The following MRTFA variants were observed in gnomAD, a reference collection of about 807,000 sequenced individuals.
MRTFA encodes the protein myocardin related transcription factor A.
In MRTFA, 20 loss-of-function variants were observed where a neutral mutation model predicts 83.5. That is an observed-to-expected ratio of 0.24 (90% CI 0.17 to 0.35). MRTFA has a LOEUF of 0.35. MRTFA is among the 10% of genes least tolerant of loss of function. The pLI, the probability that MRTFA is intolerant of heterozygous loss-of-function variation, is 1.00. For missense variants in MRTFA, 1,200 were observed against 1,224.7 expected (o/e 0.98, Z 0.30); for synonymous variants, 659 against 541.2 (o/e 1.22, Z -3.02).
At chr22:40,520,027 C>T (rs1408450800) in intron 3 of MRTFA, among the ~76,000 whole-genome samples, 1 of 152,170 alleles carries the variant, frequency 6.6e-6, no homozygotes, top group African/African-American at 2.4e-5. Flanking sequence ...ATTGCATATG[C>T]CTGTATAACC....
intron 3 of MRTFA, among the ~76,000 whole-genome samples, chr22:40,520,285 T>C (rs1231996086): frequency 6.6e-6 from 1 of 152,194 alleles, no homozygotes; most frequent in Non-Finnish European, 1.5e-5. Flanking sequence ...GCCCCAAAAA[T>C]AAACCCTGTA....
At position 40,410,631 on chromosome 22, in the gene MRTFA, T is replaced by TACATGTCAATCACACGTGATGG. The variant is rs1404083062; in HGVS notation, c.*737_*758dup. ...GGGGCATAGGCCGTGGCAGGGTACCTACATGTCAATCACACGTGATGGGTG... is the reference window on the plus strand; with the variant it reads ...GGGGCATAGGCCGTGGCAGGGTACCTACATGTCAATCACACGTGATGGACATGTCAATCACACGTGATGGGTG... On this transcript the variant is annotated 3_prime_UTR_variant, in exon 15 of 15. Transcript: ENST00000355630. 4 of 233,274 alleles carry TACATGTCAATCACACGTGATGG rather than the reference T, an allele frequency of 1.7e-5. No individual in the cohort carries two copies. Among genetic ancestry groups the TACATGTCAATCACACGTGATGG allele is most frequent in the Non-Finnish European group, 2.5e-5 (3 of 117,876 alleles). The allele number at this position is 233,274 out of a possible 1,614,324, so 14.5% of individuals were successfully genotyped here. A position where few individuals can be genotyped will look rare whatever the true frequency, so the allele number is the denominator to read the frequency against.
chr22:40,463,861 G>C (rs1439136938), intron 3 of MRTFA, among the ~76,000 whole-genome samples: 3 of 152,006 alleles, frequency 2.0e-5, no homozygotes, highest in Non-Finnish European at 4.4e-5. Flanking sequence ...TCTTCACTTA[G>C]AGCCTTTTCT....
intron 1 of MRTFA, among the ~76,000 whole-genome samples, chr22:40,616,387 T>A (rs1296781331): frequency 1.3e-5 from 2 of 152,200 alleles, no homozygotes; most frequent in African/African-American, 4.8e-5. Context: ...ATTTTAAAAC[T>A]CTGGCTTCAG....
chr22:40,548,098 C>T (rs926561331), intron 3 of MRTFA, among the ~76,000 whole-genome samples: 2 of 152,004 alleles, frequency 1.3e-5, no homozygotes, highest in Non-Finnish European at 2.9e-5. Flanking sequence ...TGCCTGTAAT[C>T]TCAGCACTGT....
intron 3 of MRTFA, among the ~76,000 whole-genome samples, chr22:40,486,656 C>A (rs559627357): frequency 1.3e-3 from 201 of 152,272 alleles, no homozygotes; most frequent in Non-Finnish European, 2.2e-3. Flanking sequence ...AACCTTACAA[C>A]GGTTGGCTCA....
chr22:40,432,371 T>A (rs8139974), intron 5 of MRTFA, among the ~76,000 whole-genome samples: 74,469 of 152,046 alleles, frequency 0.49, 19,142 homozygotes, highest in South Asian at 0.58. Flanking sequence ...TTTTGACACA[T>A]GGTAGCAAAG....
chr22:40,588,856 C>A (rs1384751966), intron 2 of MRTFA, among the ~76,000 whole-genome samples: 1 of 152,104 alleles, frequency 6.6e-6, no homozygotes, highest in Non-Finnish European at 1.5e-5. Flanking sequence ...GTGGCACATG[C>A]CTGCAATCCT....
chr22:40,462,330 TTGAA>T lies in MRTFA; in HGVS notation c.307+887_307+890del, dbSNP rs576201937. ...ATCACATATTAGGTACTCAAAGATT[TTGAA>T]TGAATGAATGAATGAATGAATGAGA... On this transcript the variant is annotated intron_variant, in intron 4 of 14. Transcript: ENST00000355630. Among the ~76,000 whole-genome samples, 171 of 152,198 alleles carry T rather than the reference TTGAA, an allele frequency of 1.1e-3. 1 individual carries two copies. The highest frequency in any genetic ancestry group is 2.0e-3 in the African/African-American group (81 of 41,524).
At chr22:40,613,310 T>G (rs1569352648) in intron 1 of MRTFA, among the ~76,000 whole-genome samples, 5 of 152,206 alleles carry the variant, frequency 3.3e-5, no homozygotes, top group Admixed American at 3.3e-4. Context: ...ATTCACATGG[T>G]TTTTTGTTGA....
At chr22:40,631,502 C>T (rs2056641420) in intron 1 of MRTFA, among the ~76,000 whole-genome samples, 2 of 152,166 alleles carry the variant, frequency 1.3e-5, no homozygotes, top group South Asian at 4.1e-4. Flanking sequence ...CAAGTTCATA[C>T]ACACGGCCGG....
chr22:40,480,128 T>A (rs1318427647), intron 3 of MRTFA, among the ~76,000 whole-genome samples: 1 of 152,160 alleles, frequency 6.6e-6, no homozygotes, highest in East Asian at 1.9e-4. Context: ...ATGAGGAAAT[T>A]GAGGTTTAGA....
chr22:40,567,751 A>G (rs2147339440), intron 2 of MRTFA, among the ~76,000 whole-genome samples: 1 of 152,340 alleles, frequency 6.6e-6, no homozygotes, highest in Non-Finnish European at 1.5e-5. Context: ...CACCTAGCAT[A>G]AAGACAGGCA....
In MRTFA at chr22:40,442,450, C is replaced by A. The variant is rs559912915; in HGVS notation, c.308-6896G>T. On this transcript the variant is annotated intron_variant, in intron 4 of 14. Coordinates refer to ENST00000355630, the MANE Select transcript of MRTFA (RefSeq NM_020831.6). ...CATATACACAGAACATCAATGAGGG[C>A]TACATGTGTGTATAGGAATAAACCC... 5.3e-5 allele frequency among the ~76,000 whole-genome samples: 8 copies of A among 152,282 alleles called. No homozygotes were observed. In the South Asian group the frequency reaches 1.7e-3, roughly 32 times the overall value.
intron 1 of MRTFA, among the ~76,000 whole-genome samples, chr22:40,619,305 T>C (rs1490887600): frequency 6.6e-6 from 1 of 152,160 alleles, no homozygotes; most frequent in East Asian, 1.9e-4. Flanking sequence ...AGAGTACATA[T>C]ACTTTTATAA....
At chr22:40,460,662 T>C (rs2147148580) in intron 4 of MRTFA, among the ~76,000 whole-genome samples, 1 of 152,294 alleles carries the variant, frequency 6.6e-6, no homozygotes, top group African/African-American at 2.4e-5. Flanking sequence ...GGTAGCTATC[T>C]TGTTTCTCCA....
intron 9 of MRTFA, among the ~76,000 whole-genome samples, chr22:40,422,793 C>G (rs1454621450): frequency 1.3e-5 from 2 of 152,226 alleles, no homozygotes; most frequent in Non-Finnish European, 2.9e-5. Flanking sequence ...AGGCTGCAGA[C>G]TGTCAGCCTC....
intron 3 of MRTFA, among the ~76,000 whole-genome samples, chr22:40,502,063 GC>G (rs2054493200): frequency 7.2e-6 from 1 of 139,048 alleles, no homozygotes; most frequent in South Asian, 2.3e-4. Flanking sequence ...GGACGGGGTG[GC>G]TGGCCGGGCT....
rs752257541 is a variant in MRTFA, at chr22:40,417,453, G to A, written c.2405C>T (p.Ala802Val). 3 of 1,598,894 alleles carry A rather than the reference G, an allele frequency of 1.9e-6. No individual in the cohort carries two copies. The highest frequency in any genetic ancestry group is 2.6e-6 in the Non-Finnish European group (3 of 1,173,640). ...CAGTGGGTGCTCCAGGTCCATCTGG[G>A]CAGAGGGGGCAGGCGCTGGAGAGCC... The change falls in exon 13 of 15, where the codon GCC becomes GTC. Residue 802 changes from alanine (A) to valine (V), a missense_variant. Ala to Val is a moderately conservative substitution (Grantham distance 64, BLOSUM62 0). This residue lies in a region of MRTFA where 1,107 missense variants were observed against 1,041.8 expected (regional missense o/e 1.06). Transcript: ENST00000355630.
Sources: gnomAD v4.1 joint callset for allele counts (sites outside exome capture counted in the v4.1 genomes callset) on GRCh38, gnomAD v4.1.1 for gene constraint, gnomAD v4.1.1 regional missense constraint, MANE v1.5 for transcripts, NCBI Gene and HGNC (gene_info 2026-07-23, HGNC 2026-07-21) for gene names.